The following EML6 variants were observed in gnomAD, a reference collection of about 807,000 sequenced individuals.
EML6 encodes the protein EMAP like 6, also known as echinoderm microtubule-associated protein-like 6.
In EML6, 154 loss-of-function variants were observed where a neutral mutation model predicts 240.1. The ratio of observed to expected loss-of-function variants is 0.64; its 90% CI spans 0.56 to 0.73. The LOEUF (loss-of-function observed/expected upper bound fraction) is 0.73. Among genes scored for constraint, EML6 ranks in the 30% least tolerant of loss-of-function variants. EML6 has a pLI of 0.00. For missense variants in EML6, 2,964 were observed against 2,474.6 expected (o/e 1.20, Z -4.20); for synonymous variants, 1,148 against 899.0 (o/e 1.28, Z -4.95).
At chr2:54,776,456 A>G (rs1196847129) in intron 2 of EML6, among the ~76,000 whole-genome samples, 1 of 152,134 alleles carries the variant, frequency 6.6e-6, no homozygotes, top group Non-Finnish European at 1.5e-5. Context: ...TTTTCTGGGA[A>G]AGCTTTTATC....
intron 2 of EML6, among the ~76,000 whole-genome samples, chr2:54,811,075 G>T (rs1408325559): frequency 6.6e-6 from 1 of 151,890 alleles, no homozygotes; most frequent in African/African-American, 2.4e-5. Context: ...CTCACCCCCA[G>T]TAGCTCTTGA....
intron 5 of EML6, among the ~76,000 whole-genome samples, chr2:54,823,605 T>G (rs1572955125): frequency 1.3e-5 from 2 of 152,270 alleles, no homozygotes; most frequent in East Asian, 3.9e-4. Flanking sequence ...GAAAATTGTT[T>G]CAGCCATGAG....
chr2:54,957,471 G>A (rs1301888876), intron 32 of EML6, among the ~76,000 whole-genome samples: 19 of 151,884 alleles, frequency 1.3e-4, no homozygotes, highest in Non-Finnish European at 2.1e-4. Flanking sequence ...CTTGATGGAA[G>A]GGGGATGGGG....
intron 28 of EML6, among the ~76,000 whole-genome samples, chr2:54,933,988 A>G (rs1674998508): frequency 6.6e-6 from 1 of 152,104 alleles, no homozygotes; most frequent in African/African-American, 2.4e-5. Flanking sequence ...AATTTTTTTG[A>G]ATCACCACTT....
chr2:54,858,828 G>C (rs571237537), intron 11 of EML6, among the ~76,000 whole-genome samples: 39 of 152,188 alleles, frequency 2.6e-4, no homozygotes, highest in Non-Finnish European at 3.7e-4. Context: ...ATTTCATTTA[G>C]AGAAACTGTG....
At chr2:54,880,878 C>T (rs1010385472) in intron 17 of EML6, 26 of 152,172 alleles carry the variant, frequency 1.7e-4, no homozygotes, top group Admixed American at 3.9e-4. Flanking sequence ...TGCAATTTTC[C>T]TGCTAGAAAA....
intron 2 of EML6, among the ~76,000 whole-genome samples, chr2:54,806,244 A>T (rs998877738): frequency 1.3e-5 from 2 of 152,174 alleles, no homozygotes; most frequent in Non-Finnish European, 2.9e-5. Context: ...TTTAAATCAC[A>T]GAGAATAGTC....
At chr2:54,786,097 T>A (rs917125252) in intron 2 of EML6, among the ~76,000 whole-genome samples, 2 of 152,094 alleles carry the variant, frequency 1.3e-5, no homozygotes, top group Non-Finnish European at 2.9e-5. Flanking sequence ...GCACCCATTG[T>A]AGGGAGCCTT....
In EML6 at chr2:54,916,836, T is replaced by G; in HGVS notation, c.3576T>G (p.Asp1192Glu). The G allele has an allele frequency of 6.4e-7, 1 of 1,550,992 alleles. No individual in the cohort carries two copies. ...AGGGAATCTGGCCAGCACATAGCGATATAACTGACGTAAATGCTGCCAGTC... is the reference window on the plus strand; with the variant it reads ...AGGGAATCTGGCCAGCACATAGCGAGATAACTGACGTAAATGCTGCCAGTC... ...TCEGIWPAHSDITDVNAASLT... is the reference protein window; with the variant it reads ...TCEGIWPAHSEITDVNAASLT... The change falls in exon 26 of 42, where the codon GAT becomes GAG. Residue 1192 changes from aspartate (D) to glutamate (E), a missense_variant. Transcript: ENST00000356458.
In EML6 at chr2:54,757,453, C is replaced by T. The variant is rs140978672; in HGVS notation, c.197+32195C>T. ...TTGGTCAGTTTCCCCAGAAAGGAACCTCCAATCTCTTGCCTGGGGGTGACC... is the reference window on the plus strand; with the variant it reads ...TTGGTCAGTTTCCCCAGAAAGGAACTTCCAATCTCTTGCCTGGGGGTGACC... On this transcript the variant is annotated intron_variant, in intron 2 of 41. Transcript: ENST00000356458. Among the ~76,000 whole-genome samples the T allele has an allele frequency of 1.1e-4, 16 of 152,260 alleles. No homozygotes were observed. The East Asian group carries it at 2.5e-3, about 24-fold the overall frequency.
At position 54,774,909 on chromosome 2, in the gene EML6, G is replaced by C. The variant is rs1668533102; in HGVS notation, c.198-38323G>C. ...TCACCCAAGTGGAAATACAGAAAGT[G>C]CTTACAACATGTAAAATTCTGTATT... On this transcript the variant is annotated intron_variant, in intron 2 of 41. Coordinates refer to ENST00000356458, the MANE Select transcript of EML6 (RefSeq NM_001039753.4). The surrounding 1 kb of genome is among the most constrained non-coding windows in gnomAD (Gnocchi z 4.1). 6.6e-6 allele frequency among the ~76,000 whole-genome samples: 1 copy of C among 152,324 alleles called. No homozygotes were observed. The highest frequency in any genetic ancestry group is 1.9e-4 in the East Asian group (1 of 5,186).
intron 7 of EML6, among the ~76,000 whole-genome samples, chr2:54,841,982 C>T (rs982506255): frequency 6.6e-6 from 1 of 152,060 alleles, no homozygotes; most frequent in African/African-American, 2.4e-5. Context: ...TACCCCTTCC[C>T]ACCCACAACA....
At chr2:54,843,797 C>T (rs1349280223) in intron 7 of EML6, among the ~76,000 whole-genome samples, 9 of 142,612 alleles carry the variant, frequency 6.3e-5, no homozygotes, top group East Asian at 6.2e-4. Context: ...GAGCTGAGAT[C>T]GGGCCACTGC....
At chr2:54,961,626 G>A (rs1676520231) in intron 35 of EML6, among the ~76,000 whole-genome samples, 1 of 152,128 alleles carries the variant, frequency 6.6e-6, no homozygotes, top group Non-Finnish European at 1.5e-5. Context: ...CTGTGCTGAA[G>A]CTCTCACCTG....
chr2:54,788,184 C>G (rs1222775402), intron 2 of EML6, among the ~76,000 whole-genome samples: 1 of 152,270 alleles, frequency 6.6e-6, no homozygotes, highest in Non-Finnish European at 1.5e-5. Flanking sequence ...CACTCGCTCG[C>G]TAGCTGCCCA....
chr2:54,860,319 C>A (rs1430932940), intron 12 of EML6, among the ~76,000 whole-genome samples: 2 of 152,084 alleles, frequency 1.3e-5, no homozygotes, highest in African/African-American at 2.4e-5. Context: ...GGGAAAGAAG[C>A]CTCGGTTTGA....
At chr2:54,938,833 T>G (rs1423409936) in intron 28 of EML6, among the ~76,000 whole-genome samples, 1 of 152,246 alleles carries the variant, frequency 6.6e-6, no homozygotes, top group Non-Finnish European at 1.5e-5. Context: ...TGGGGAAAAT[T>G]GCCTTTCTGA....
At chr2:54,906,918 C>G (rs904220922) in intron 24 of EML6, among the ~76,000 whole-genome samples, 11 of 152,170 alleles carry the variant, frequency 7.2e-5, no homozygotes, top group African/African-American at 2.7e-4. Flanking sequence ...TGTTTCATGC[C>G]TTTGATCCTG....
Position 54,964,720 on chromosome 2 carries a change from G to A in EML6, c.5480G>A (p.Gly1827Asp). Residue 1827 changes from glycine (G) to aspartate (D), a missense_variant, in exon 38 of 42, where the codon GGC becomes GAC. By Grantham distance (94) the Gly-to-Asp change is moderately conservative. Transcript: ENST00000356458. ...FVIQMDFSAD[G>D]KYIQVSTGAY... ...ATTCAGATGGATTTTTCTGCGGATG[G>A]CAAATACATTCAGGTATGCTTGGGG... The A allele has an allele frequency of 6.4e-7, 1 of 1,551,866 alleles. No individual in the cohort carries two copies. The highest frequency in any genetic ancestry group is 8.7e-7 in the Non-Finnish European group (1 of 1,147,040).
Sources: allele counts gnomAD v4.1 joint callset (sites outside exome capture counted in the v4.1 genomes callset), GRCh38; gene constraint gnomAD v4.1.1; non-coding constraint Gnocchi (gnomAD v3.1); transcripts MANE v1.5; gene names NCBI Gene and HGNC (gene_info 2026-07-23, HGNC 2026-07-21).